The following CMSS1 variants were observed in gnomAD, a reference collection of about 807,000 sequenced individuals.
CMSS1 encodes cms1 ribosomal small subunit homolog, also known as protein CMSS1.
CMSS1 carries 33 observed loss-of-function variants against 43.5 expected under a neutral mutation model. That is an observed-to-expected ratio of 0.76 (90% CI 0.57 to 1.01). The LOEUF is 1.01. CMSS1 is among the 50% of genes least tolerant of loss of function. The pLI, the probability that CMSS1 is intolerant of heterozygous loss-of-function variation, is 0.00. For missense variants in CMSS1, 313 were observed against 326.4 expected (o/e 0.96, Z 0.32); for synonymous variants, 115 against 117.2 (o/e 0.98, Z 0.12).
At chr3:100,139,947 T>C (rs997735387) in intron 1 of CMSS1, among the ~76,000 whole-genome samples, 2 of 152,184 alleles carry the variant, frequency 1.3e-5, no homozygotes, top group African/African-American at 4.8e-5. Context: ...CATATTACTC[T>C]GCAAACCCAA....
chr3:100,116,570 G>T (rs370563953), intron 1 of CMSS1, among the ~76,000 whole-genome samples: 1 of 152,138 alleles, frequency 6.6e-6, no homozygotes, highest in South Asian at 2.1e-4. Flanking sequence ...TGGGGATTGC[G>T]TGAGCTCATT....
At chr3:99,831,282 A>T (rs1001566195) in intron 1 of CMSS1, among the ~76,000 whole-genome samples, 2 of 152,244 alleles carry the variant, frequency 1.3e-5, no homozygotes, top group African/African-American at 4.8e-5. Context: ...AGTAGAATTT[A>T]AAACTGTGTA....
At chr3:100,176,069 G>A (rs1385497667) in intron 8 of CMSS1, among the ~76,000 whole-genome samples, 4 of 152,184 alleles carry the variant, frequency 2.6e-5, no homozygotes, top group South Asian at 2.1e-4. Flanking sequence ...CCTGGCCAGC[G>A]TGTGAGCATT....
chr3:100,136,889 C>A (rs1196439654), intron 1 of CMSS1, among the ~76,000 whole-genome samples: 1 of 152,216 alleles, frequency 6.6e-6, no homozygotes, highest in African/African-American at 2.4e-5. Flanking sequence ...AAAAGATTGA[C>A]CTTCCTTCAC....
intron 1 of CMSS1, among the ~76,000 whole-genome samples, chr3:100,076,484 A>G (rs2065852624): frequency 6.6e-6 from 1 of 152,082 alleles, no homozygotes; most frequent in Middle Eastern, 3.2e-3. Flanking sequence ...ATGCTTTGCT[A>G]TTTCTGTTAT....
intron 1 of CMSS1, among the ~76,000 whole-genome samples, chr3:99,869,770 A>T (rs1023020551): frequency 1.3e-5 from 2 of 152,208 alleles, no homozygotes; most frequent in African/African-American, 4.8e-5. Context: ...TTTGATTCAC[A>T]TAAAAAAGCA....
chr3:99,889,089 T>A (rs1706002642), intron 1 of CMSS1, among the ~76,000 whole-genome samples: 1 of 152,194 alleles, frequency 6.6e-6, no homozygotes, highest in Admixed American at 6.5e-5. Flanking sequence ...TTATGTTTCA[T>A]GAAACTTAAC....
chr3:99,991,884 GTA>G (rs1709524966), intron 1 of CMSS1, among the ~76,000 whole-genome samples: 1 of 146,432 alleles, frequency 6.8e-6, no homozygotes, highest in East Asian at 2.0e-4. Context: ...ACACATATAT[GTA>G]TATATGTGTG....
intron 7 of CMSS1, 26 bp downstream of exon 7, chr3:100,171,925 A>G: frequency 6.3e-7 from 1 of 1,584,646 alleles, no homozygotes; most frequent in Non-Finnish European, 8.7e-7. Context: ...TGTGATCCCT[A>G]AAGGCCTCTC....
intron 1 of CMSS1, among the ~76,000 whole-genome samples, chr3:100,018,189 G>A (rs1576644823): frequency 2.6e-5 from 4 of 152,262 alleles, no homozygotes; most frequent in African/African-American, 7.2e-5. Context: ...AGCCGGGCGT[G>A]GTGGCATGTC....
At chr3:99,905,620 A>G (rs944794145) in intron 1 of CMSS1, among the ~76,000 whole-genome samples, 1 of 152,246 alleles carries the variant, frequency 6.6e-6, no homozygotes, top group African/African-American at 2.4e-5. Flanking sequence ...ATATGTGTGT[A>G]CTATATAGTC....
chr3:99,958,240 A>ATT (rs1009001775), intron 1 of CMSS1, among the ~76,000 whole-genome samples: 1 of 142,910 alleles, frequency 7.0e-6, no homozygotes, highest in African/African-American at 2.6e-5. Context: ...TATTATTATT[A>ATT]TTATTATTAT....
rs146568482 is a variant in CMSS1, at chr3:100,171,403, C to T, written c.519-436C>T. On this transcript the variant is annotated intron_variant, in intron 6 of 9. Transcript: ENST00000421999. ...TCCCTCATGGCCACCACAGGCAGAC[C>T]TTTGTAGATGCCCTTGGCTCCACAG... is the stretch of plus-strand genomic sequence containing the variant. Among the ~76,000 whole-genome samples the T allele has an allele frequency of 3.6e-3, 551 of 152,106 alleles. 2 individuals are homozygous for T. The highest frequency in any genetic ancestry group is 0.013 in the African/African-American group (537 of 41,512).
intron 1 of CMSS1, among the ~76,000 whole-genome samples, chr3:99,906,836 T>C (rs1706633188): frequency 6.6e-6 from 1 of 152,198 alleles, no homozygotes; most frequent in Admixed American, 6.5e-5. Flanking sequence ...ACACTTTTCA[T>C]GTATTTTGCC....
At chr3:99,940,379 A>G (rs1162823923) in intron 1 of CMSS1, among the ~76,000 whole-genome samples, 1 of 152,246 alleles carries the variant, frequency 6.6e-6, no homozygotes, top group East Asian at 1.9e-4. Flanking sequence ...TTCCAACTTC[A>G]TGCTCTGGTT....
chr3:99,944,617 G>A (rs1214874301), intron 1 of CMSS1, among the ~76,000 whole-genome samples: 1 of 152,228 alleles, frequency 6.6e-6, no homozygotes, highest in African/African-American at 2.4e-5. Flanking sequence ...AAGAGGTTAA[G>A]TTAATCTGCC....
chr3:99,980,324 C>T (rs1164811165), intron 1 of CMSS1, among the ~76,000 whole-genome samples: 2 of 152,058 alleles, frequency 1.3e-5, no homozygotes, highest in African/African-American at 2.4e-5. Flanking sequence ...TTTGCTCACC[C>T]GTAATCTCTG....
At position 99,913,564 on chromosome 3, in the gene CMSS1, T is replaced by A. The variant is rs190163942; in HGVS notation, c.64+95521T>A. Among the ~76,000 whole-genome samples, 445 of 152,294 alleles carry A rather than the reference T, an allele frequency of 2.9e-3. 2 individuals are homozygous for A. Among genetic ancestry groups the A allele is most frequent in the African/African-American group, 9.9e-3 (412 of 41,562 alleles). On this transcript the variant is annotated intron_variant, in intron 1 of 9. Coordinates refer to ENST00000421999, the MANE Select transcript of CMSS1 (RefSeq NM_032359.4). Reference sequence around the variant, plus strand: ...AGGTGGCCTGGCTAAATGAATTGCATCTATAAAATTGAATAATATGCAACC... The same window carrying A: ...AGGTGGCCTGGCTAAATGAATTGCAACTATAAAATTGAATAATATGCAACC...
At chr3:99,899,297 A>G (rs1392685838) in intron 1 of CMSS1, among the ~76,000 whole-genome samples, 2 of 152,222 alleles carry the variant, frequency 1.3e-5, no homozygotes, top group Admixed American at 6.5e-5. Context: ...TTGGTTTCCA[A>G]TACCAAGTTA....
Sources: allele counts gnomAD v4.1 joint callset (sites outside exome capture counted in the v4.1 genomes callset), GRCh38; gene constraint gnomAD v4.1.1; transcripts MANE v1.5; gene names NCBI Gene and HGNC (gene_info 2026-07-23, HGNC 2026-07-21).